ZNF729: variants seen among roughly 807,000 people sequenced by gnomAD.
The protein encoded by ZNF729 is zinc finger protein 729.
A neutral mutation model predicts 12.2 loss-of-function variants in ZNF729; 15 were observed. The observed-to-expected ratio is 1.23, with a 90% CI of 0.82 to 1.89. The LOEUF is 1.89. Ranked by LOEUF, ZNF729 falls within the 40% of genes most tolerant of loss-of-function variation. The pLI is 0.00. For missense variants in ZNF729, 1,540 were observed against 1,456.7 expected, an observed-to-expected ratio of 1.06 and a Z score of -0.93; for synonymous variants, 492 against 476.3, an observed-to-expected ratio of 1.03 and a Z score of -0.43.
At chr19:22,303,935 T>A in intron 2 of ZNF729, 51 bp downstream of exon 2, 1 of 1,494,314 alleles carries the variant, frequency 6.7e-7, no homozygotes. Flanking sequence ...TAGGTTTAAT[T>A]TCTCTTTTCT....
chr19:22,311,412 G>GA (rs1168483779), intron 3 of ZNF729, among the ~76,000 whole-genome samples: 1 of 151,998 alleles, frequency 6.6e-6, no homozygotes, highest in African/African-American at 2.4e-5. Flanking sequence ...TGAGTTTGAA[G>GA]AATTTTTTTA....
chr19:22,304,165 A>G (rs1014940148), intron 2 of ZNF729, among the ~76,000 whole-genome samples: 6 of 151,560 alleles, frequency 4.0e-5, no homozygotes, highest in Non-Finnish European at 7.4e-5. Flanking sequence ...CAGCCTCCCA[A>G]GTAGCTGGGA....
chr19:22,308,937 T>A (rs1206140119), intron 3 of ZNF729, among the ~76,000 whole-genome samples: 2 of 152,202 alleles, frequency 1.3e-5, no homozygotes, highest in Non-Finnish European at 2.9e-5. Flanking sequence ...TCTTTGTTTT[T>A]ATTGCATTTG....
chr19:22,294,657 C>CTTTTTTTTTTTTTTTTTTTTTTTTT (rs71180535), intron 1 of ZNF729, among the ~76,000 whole-genome samples: 4 of 92,440 alleles, frequency 4.3e-5, no homozygotes, highest in Non-Finnish European at 6.8e-5. Context: ...TTTTCTTTTT[C>CTTTTTTTTTTTTTTTTTTTTTTTTT]TTTTTTTTTT....
At position 22,315,461 on chromosome 19, in the gene ZNF729, A is replaced by G. The variant is rs762632885; in HGVS notation, c.2044A>G (p.Lys682Glu). The change falls in exon 4 of 4, where the codon AAA becomes GAA. Residue 682 changes from lysine (K) to glutamate (E), a missense_variant. Lys to Glu is a moderately conservative substitution (Grantham distance 56). Transcript: ENST00000601693. ...RRHKIIHTGK[K>E]PYKCEECGKA... Reference sequence around the variant, plus strand: ...ACATAAGATAATTCATACTGGAAAGAAACCGTACAAATGTGAAGAATGTGG... The same window carrying G: ...ACATAAGATAATTCATACTGGAAAGGAACCGTACAAATGTGAAGAATGTGG... 6.2e-7 allele frequency: 1 copy of G among 1,612,638 alleles called. No homozygotes were observed. The highest frequency in any genetic ancestry group is 8.5e-7 in the Non-Finnish European group (1 of 1,179,776).
chr19:22,300,077 C>T (rs1264616796), intron 1 of ZNF729, among the ~76,000 whole-genome samples: 3 of 152,222 alleles, frequency 2.0e-5, no homozygotes, highest in Admixed American at 6.5e-5. Context: ...AAAGATAGCA[C>T]TCTATTCAAC....
chr19:22,295,992 G>T (rs1046764044), intron 1 of ZNF729, among the ~76,000 whole-genome samples: 4 of 152,130 alleles, frequency 2.6e-5, no homozygotes, highest in African/African-American at 9.7e-5. Flanking sequence ...GATCATAGTG[G>T]AGTAGCTTCT....
At position 22,314,490 on chromosome 19, in the gene ZNF729, G is replaced by T; in HGVS notation, c.1073G>T (p.Ser358Ile). 1 of 1,605,934 alleles carries T rather than the reference G, an allele frequency of 6.2e-7. No homozygotes were observed. The highest frequency in any genetic ancestry group is 8.5e-7 in the Non-Finnish European group (1 of 1,177,008). Residue 358 changes from serine to isoleucine, a missense_variant, in exon 4 of 4, where the codon AGC (serine) becomes ATC (isoleucine). Ser to Ile is a moderately radical substitution (Grantham distance 142, BLOSUM62 -2). Coordinates refer to ENST00000601693, the MANE Select transcript of ZNF729 (RefSeq NM_001242680.2). ...CGTGAAGAATGTGGCAAAGCTTTTA[G>T]CCAGTCCTCAACCCTTAGAAAACAT... ...YKREECGKAF[S>I]QSSTLRKHEI... is the part of the protein sequence containing the mutation.
At chr19:22,294,734 A>T (rs1968203625) in intron 1 of ZNF729, among the ~76,000 whole-genome samples, 2 of 141,242 alleles carry the variant, frequency 1.4e-5, no homozygotes, top group Admixed American at 7.6e-5. Context: ...TTAGCTCACC[A>T]CAACCTCTGC....
At chr19:22,295,389 CT>C (rs746054091) in intron 1 of ZNF729, among the ~76,000 whole-genome samples, 18,441 of 130,652 alleles carry the variant, frequency 0.14, 1,212 homozygotes, top group East Asian at 0.23. Flanking sequence ...AGTTTTCTTT[CT>C]TTTTTTTTTT....
At chr19:22,313,498 A>T (rs962750292) in intron 3 of ZNF729, among the ~76,000 whole-genome samples, 173 bp from the exon 4 acceptor site, 3 of 152,144 alleles carry the variant, frequency 2.0e-5, no homozygotes, top group African/African-American at 7.2e-5. Context: ...TTTTCCACAA[A>T]TGTATTTGGT....
chr19:22,295,266 A>G (rs1334140673), intron 1 of ZNF729, among the ~76,000 whole-genome samples: 11 of 151,862 alleles, frequency 7.2e-5, no homozygotes, highest in Admixed American at 3.9e-4. Flanking sequence ...GCAAACAGGG[A>G]TAGTTTGACT....
chr19:22,288,311 G>GTTTTTTTTTT (rs79658308), intron 1 of ZNF729, among the ~76,000 whole-genome samples: 4 of 124,884 alleles, frequency 3.2e-5, no homozygotes, highest in Non-Finnish European at 5.3e-5. Context: ...TCTTTGTACT[G>GTTTTTTTTTT]TTTTTTTTTT....
chr19:22,300,379 AAC>A (rs1230781932), intron 1 of ZNF729, among the ~76,000 whole-genome samples: 3 of 152,184 alleles, frequency 2.0e-5, no homozygotes, highest in African/African-American at 7.2e-5. Flanking sequence ...TGTGTAATAA[AAC>A]AGTTTTATGT....
At chr19:22,290,172 G>A (rs982200417) in intron 1 of ZNF729, among the ~76,000 whole-genome samples, 6 of 152,108 alleles carry the variant, frequency 3.9e-5, no homozygotes, top group African/African-American at 1.4e-4. Context: ...TTTTTTCTGG[G>A]GAGTCTTCTC....
In ZNF729 at chr19:22,315,831, T is replaced by C; in HGVS notation, c.2414T>C (p.Phe805Ser). ...PYKCEECGKAFKWSSKLTVHK... is the reference protein window; with the variant it reads ...PYKCEECGKASKWSSKLTVHK... ...AAGTGTGAAGAATGTGGTAAAGCTT[T>C]TAAGTGGTCCTCAAAGCTTACTGTA... Residue 805 changes from phenylalanine (F) to serine (S), a missense_variant, in exon 4 of 4, where the codon TTT becomes TCT. Transcript: ENST00000601693. 6.2e-7 allele frequency: 1 copy of C among 1,610,954 alleles called. No individual in the cohort carries two copies. The highest frequency in any genetic ancestry group is 8.5e-7 in the Non-Finnish European group (1 of 1,179,656).
At chr19:22,290,589 C>T (rs1046345567) in intron 1 of ZNF729, among the ~76,000 whole-genome samples, 2 of 152,072 alleles carry the variant, frequency 1.3e-5, no homozygotes, top group Non-Finnish European at 2.9e-5. Context: ...ACCCTGAAGT[C>T]ATCATGTTCT....
rs751987651 is a variant in ZNF729 at position 22,314,058 on chromosome 19, G to A, written c.641G>A (p.Gly214Asp). 10 of 1,542,964 alleles carry A rather than the reference G, an allele frequency of 6.5e-6. No homozygotes were observed. The African/African-American group carries it at 1.1e-4, about 17-fold the overall frequency. ...RQNIYKCEER[G>D]KAFKSFSTLT... ...AATATCTACAAATGTGAAGAACGTG[G>A]CAAAGCCTTTAAATCGTTCTCAACC... Residue 214 changes from glycine (G) to aspartate (D), a missense_variant, in exon 4 of 4, where the codon GGC (glycine) becomes GAC (aspartate). Coordinates refer to ENST00000601693, the MANE Select transcript of ZNF729 (RefSeq NM_001242680.2).
chr19:22,315,469 C>T lies in ZNF729; in HGVS notation c.2052C>T (p.Tyr684=). ...TAATTCATACTGGAAAGAAACCGTA[C>T]AAATGTGAAGAATGTGGCAAAGCTT... The part of the protein sequence containing the change: ...HKIIHTGKKP[Y]KCEECGKAFS... Residue 684 remains tyrosine, a synonymous_variant, in exon 4 of 4, where the codon TAC becomes TAT. Transcript: ENST00000601693. The T allele has an allele frequency of 6.2e-7, 1 of 1,612,524 alleles. No homozygotes were observed. The highest frequency in any genetic ancestry group is 1.1e-5 in the South Asian group (1 of 91,046).
Sources: allele counts gnomAD v4.1 joint callset (sites outside exome capture counted in the v4.1 genomes callset), GRCh38; gene constraint gnomAD v4.1.1; transcripts MANE v1.5; gene names NCBI Gene and HGNC (gene_info 2026-07-23, HGNC 2026-07-21).